Variants in IGSF11 observed in about 807,000 individuals in gnomAD.
The protein encoded by IGSF11 is immunoglobulin superfamily member 11, also known as CXADR like 1.
Under a neutral mutation model 41.0 loss-of-function variants are expected in IGSF11, and 22 were observed. That is an observed-to-expected ratio of 0.54 (90% confidence interval 0.38 to 0.77). IGSF11 has a LOEUF of 0.77. Ranked by LOEUF, IGSF11 falls within the 30% of genes least tolerant of loss-of-function variation. The pLI is 0.00. For missense variants in IGSF11, 444 were observed against 530.8 expected (o/e 0.84, Z 1.61); for synonymous variants, 219 against 201.3 (o/e 1.09, Z -0.74).
At chr3:118,999,519 T>C (rs1936601387) in intron 1 of IGSF11, among the ~76,000 whole-genome samples, 2 of 152,118 alleles carry the variant, frequency 1.3e-5, no homozygotes, top group South Asian at 4.1e-4. Context: ...GCAACAACAA[T>C]GGGTTCCTTC....
intron 1 of IGSF11, among the ~76,000 whole-genome samples, chr3:119,102,361 T>C (rs1295128939): frequency 1.3e-5 from 2 of 152,214 alleles, no homozygotes; most frequent in Non-Finnish European, 2.9e-5. Context: ...ATTATTCCAT[T>C]GTTTCCTAGC....
chr3:119,094,705 CTT>C (rs1176526446), intron 1 of IGSF11, among the ~76,000 whole-genome samples: 1 of 144,036 alleles, frequency 6.9e-6, no homozygotes, highest in Non-Finnish European at 1.5e-5. Flanking sequence ...GAGTTTCACT[CTT>C]GTCGCCCAGG....
At chr3:119,115,291 T>A (rs1174643574) in intron 1 of IGSF11, among the ~76,000 whole-genome samples, 1 of 152,200 alleles carries the variant, frequency 6.6e-6, no homozygotes, top group Non-Finnish European at 1.5e-5. Flanking sequence ...GATCATAAGG[T>A]AGCGCTATTT....
intron 4 of IGSF11, among the ~76,000 whole-genome samples, chr3:118,918,762 A>G (rs1416920526): frequency 2.1e-5 from 3 of 141,010 alleles, no homozygotes; most frequent in Non-Finnish European, 4.5e-5. Context: ...AAACTACTTT[A>G]AAGTTCATAT....
chr3:118,902,886 T>TAC lies in IGSF11; in HGVS notation c.929_930insGT (p.Leu311TyrfsTer2). 1 of 1,614,182 alleles carries TAC rather than the reference T, an allele frequency of 6.2e-7. No homozygotes were observed. The highest frequency in any genetic ancestry group is 8.5e-7 in the Non-Finnish European group (1 of 1,180,004). ...TGTTGTAGGCATTGGAAGAGGTTAGTGTGTTGTTGTCCGAGGAGGAAATCT... is the reference window on the plus strand; with the variant it reads ...TGTTGTAGGCATTGGAAGAGGTTAGTACGTGTTGTTGTCCGAGGAGGAAATCT... On this transcript the variant is annotated frameshift_variant, in exon 7 of 7. Coordinates refer to ENST00000393775, the MANE Select transcript of IGSF11 (RefSeq NM_001015887.3). LOFTEE classifies it high-confidence loss of function.
At chr3:119,055,457 C>A (rs984544063) in intron 1 of IGSF11, among the ~76,000 whole-genome samples, 1 of 152,174 alleles carries the variant, frequency 6.6e-6, no homozygotes, top group African/African-American at 2.4e-5. Flanking sequence ...CAGGAGGACC[C>A]AGATTCATAA....
At chr3:119,102,437 T>A (rs946037988) in intron 1 of IGSF11, among the ~76,000 whole-genome samples, 1 of 152,208 alleles carries the variant, frequency 6.6e-6, no homozygotes, top group Non-Finnish European at 1.5e-5. Context: ...TTAGACTGTT[T>A]TGCCTAGTTG....
At chr3:119,029,267 CACA>C (rs1559815163) in intron 1 of IGSF11, among the ~76,000 whole-genome samples, 5 of 148,688 alleles carry the variant, frequency 3.4e-5, no homozygotes, top group Non-Finnish European at 7.5e-5. Context: ...CACACACACA[CACA>C]CACACCCGAG....
intron 1 of IGSF11, among the ~76,000 whole-genome samples, chr3:119,009,642 C>T (rs1379949621): frequency 6.6e-6 from 1 of 152,190 alleles, no homozygotes; most frequent in Non-Finnish European, 1.5e-5. Context: ...ATTACCCAGC[C>T]TCAGGTAGTA....
At chr3:119,057,198 C>T (rs373518835) in intron 1 of IGSF11, among the ~76,000 whole-genome samples, 14 of 152,148 alleles carry the variant, frequency 9.2e-5, no homozygotes, top group African/African-American at 2.2e-4. Flanking sequence ...TGTTTGCAGA[C>T]GACATGACTG....
intron 1 of IGSF11, among the ~76,000 whole-genome samples, chr3:118,953,195 T>C (rs935862060): frequency 1.3e-5 from 2 of 152,180 alleles, no homozygotes; most frequent in Non-Finnish European, 2.9e-5. Context: ...GGTCTCCAGC[T>C]CCATCCAGGT....
chr3:119,056,102 G>C (rs1175624867), intron 1 of IGSF11, among the ~76,000 whole-genome samples: 1 of 151,886 alleles, frequency 6.6e-6, no homozygotes, highest in Non-Finnish European at 1.5e-5. Context: ...GCTAGCAGAA[G>C]GCAAGAAATA....
At chr3:118,924,801 C>T (rs1576381891) in intron 4 of IGSF11, among the ~76,000 whole-genome samples, 1 of 151,932 alleles carries the variant, frequency 6.6e-6, no homozygotes, top group African/African-American at 2.4e-5. Context: ...AAAGAAAATA[C>T]TGCCACAGAG....
intron 1 of IGSF11, among the ~76,000 whole-genome samples, chr3:119,072,252 A>G (rs1187246641): frequency 1.3e-5 from 2 of 152,244 alleles, no homozygotes; most frequent in African/African-American, 4.8e-5. Flanking sequence ...TTAACAAATA[A>G]GCCTTTTTAA....
intron 4 of IGSF11, among the ~76,000 whole-genome samples, chr3:118,922,239 T>C (rs973511244): frequency 6.6e-6 from 1 of 152,170 alleles, no homozygotes; most frequent in Non-Finnish European, 1.5e-5. Flanking sequence ...TGCGAGGGCT[T>C]TCCTTGTGCA....
chr3:118,932,733 T>A (rs1942957066), intron 1 of IGSF11, among the ~76,000 whole-genome samples: 1 of 152,170 alleles, frequency 6.6e-6, no homozygotes, highest in Non-Finnish European at 1.5e-5. Context: ...TAAATGCTGA[T>A]AGAGATGTTT....
At chr3:118,912,505 C>T (rs576124990) in intron 4 of IGSF11, among the ~76,000 whole-genome samples, 1 of 152,278 alleles carries the variant, frequency 6.6e-6, no homozygotes, top group East Asian at 1.9e-4. Flanking sequence ...CCCAGCCGCC[C>T]GACCACACTC....
intron 1 of IGSF11, among the ~76,000 whole-genome samples, chr3:119,143,849 A>C (rs1291735869): frequency 6.6e-6 from 1 of 152,192 alleles, no homozygotes; most frequent in Non-Finnish European, 1.5e-5. Flanking sequence ...AAGTCAAAAA[A>C]TGTTATGAGG....
At chr3:119,036,296 T>C (rs146001583), upstream of IGSF11, among the ~76,000 whole-genome samples, 4 of 152,322 alleles carry the variant, frequency 2.6e-5, no homozygotes, top group East Asian at 7.7e-4. Flanking sequence ...AATTTAAATT[T>C]CCAACTATGA....
Sources: gnomAD v4.1 joint callset for allele counts (sites outside exome capture counted in the v4.1 genomes callset) on GRCh38, gnomAD v4.1.1 for gene constraint, MANE v1.5 for transcripts, NCBI Gene and HGNC (gene_info 2026-07-23, HGNC 2026-07-21) for gene names.